Variants in LAMC3 observed in about 807,000 individuals in gnomAD.
LAMC3 encodes laminin subunit gamma 3.
LAMC3 carries 128 observed loss-of-function variants against 173.8 expected under a neutral mutation model. That is an observed-to-expected ratio of 0.74 (90% CI 0.64 to 0.85). LAMC3 has a LOEUF of 0.85. LAMC3 is among the 40% of genes least tolerant of loss of function. The pLI, the probability that LAMC3 is intolerant of heterozygous loss-of-function variation, is 0.00. For synonymous variants in LAMC3, 897 were observed against 909.1 expected (o/e 0.99, Z 0.24); for missense variants, 2,022 against 2,156.0 (o/e 0.94, Z 1.23).
At chr9:131,079,852 C>T (rs577945465) in intron 23 of LAMC3, among the ~76,000 whole-genome samples, 32 of 152,222 alleles carry the variant, frequency 2.1e-4, no homozygotes, top group African/African-American at 6.3e-4. Flanking sequence ...GGGCCACACC[C>T]ACCATCCTGG....
chr9:131,050,348 C>T (rs1222057775), intron 9 of LAMC3, among the ~76,000 whole-genome samples: 4 of 152,194 alleles, frequency 2.6e-5, no homozygotes, highest in South Asian at 2.1e-4. Flanking sequence ...CAGAAACAAA[C>T]GTCTGGGCTG....
intron 6 of LAMC3, among the ~76,000 whole-genome samples, chr9:131,039,620 G>A (rs185133790): frequency 5.3e-5 from 8 of 152,098 alleles, no homozygotes; most frequent in South Asian, 2.1e-4. Flanking sequence ...GGGAGGCTGC[G>A]TGGAGGCTAC....
At chr9:131,055,574 G>A (rs1005414907) in intron 11 of LAMC3, among the ~76,000 whole-genome samples, 90 of 151,446 alleles carry the variant, frequency 5.9e-4, no homozygotes, top group African/African-American at 1.9e-3. Flanking sequence ...ACAGGCGCCC[G>A]CCACCACGCC....
chr9:131,059,520 G>A (rs1471708894), intron 12 of LAMC3, among the ~76,000 whole-genome samples: 81 of 93,748 alleles, frequency 8.6e-4, no homozygotes, highest in Non-Finnish European at 1.3e-3. Context: ...AAAAAAAAAA[G>A]ACGTCAGCTG....
chr9:131,010,543 C>T (rs1833395406), intron 1 of LAMC3, among the ~76,000 whole-genome samples: 1 of 152,182 alleles, frequency 6.6e-6, no homozygotes, highest in African/African-American at 2.4e-5. Context: ...AATTGGTCAC[C>T]CTCTAGGGCA....
Position 131,025,132 on chromosome 9 carries a change from C to T in LAMC3, c.374-1153C>T, listed in dbSNP as rs532968848. Among the ~76,000 whole-genome samples the T allele has an allele frequency of 1.8e-4, 27 of 152,224 alleles. No homozygotes were observed. The East Asian group carries it at 2.5e-3, about 14-fold the overall frequency. ...ACTTCCCAGCTCGAACTGTGGAAGG[C>T]GGCAGTTCTCCCGCGCCCGCACCCC... On this transcript the variant is annotated intron_variant, in intron 1 of 27. Coordinates refer to ENST00000361069, the MANE Select transcript of LAMC3 (RefSeq NM_006059.4).
chr9:131,017,975 G>A (rs1434953210), intron 1 of LAMC3, among the ~76,000 whole-genome samples: 3 of 151,674 alleles, frequency 2.0e-5, no homozygotes, highest in African/African-American at 7.3e-5. Context: ...GCAGTGAACC[G>A]AGATCGCACC....
chr9:131,045,246 C>CAAA lies in LAMC3; in HGVS notation c.1383-273_1383-271dup, dbSNP rs71501241. Among the ~76,000 whole-genome samples, 67,229 of 142,462 alleles carry CAAA rather than the reference C, an allele frequency of 0.47. 16,051 individuals are homozygous for CAAA. The highest frequency in any genetic ancestry group is 0.51 in the Non-Finnish European group (34,020 of 66,742). 93.5% of individuals were successfully genotyped at this position (142,462 alleles called of 152,430 possible). A position where few individuals can be genotyped will look rare whatever the true frequency, so the allele number is the denominator to read the frequency against. On this transcript the variant is annotated intron_variant, in intron 7 of 27. Coordinates refer to ENST00000361069, the MANE Select transcript of LAMC3 (RefSeq NM_006059.4). The stretch of plus-strand genomic sequence containing the variant: ...CAAAAAAAAAAAAAAACAACAACAA[C>CAAA]AAAAAAACAAAACCTAATAAAGTCT...
In LAMC3 at chr9:131,091,436, TC is replaced by T. The variant is rs1175868270; in HGVS notation, c.4478-99del. On this transcript the variant is annotated intron_variant, in intron 27 of 27. Transcript: ENST00000361069. The stretch of plus-strand genomic sequence containing the variant: ...CCTGGTGGATGGTGGGCCATTGGAA[TC>T]CTGGGAGGCCTGAGCTGGGGAGAGG... The T allele has an allele frequency of 2.0e-6, 3 of 1,471,938 alleles. No homozygotes were observed. In the African/African-American group the frequency reaches 4.2e-5, roughly 21 times the overall value. The allele number at this position is 1,471,938 out of a possible 1,614,324, so 91.2% of individuals were successfully genotyped here. A position where few individuals can be genotyped will look rare whatever the true frequency, so the allele number is the denominator to read the frequency against.
At chr9:131,039,362 C>A in intron 6 of LAMC3, 114 bp downstream of exon 6, 1 of 878,772 alleles carries the variant, frequency 1.1e-6, no homozygotes, top group Admixed American at 2.0e-5. Context: ...GCAGCTACCT[C>A]GCCCTAATCC....
Position 131,068,906 on chromosome 9 carries a change from A to G in LAMC3, c.2748-2A>G, listed in dbSNP as rs1468095210. ...CAGACCCAGTTCCTTCCCTGATCACAGCTGCAAGTGTCACCCACTGGGCTC... is the reference window on the plus strand; with the variant it reads ...CAGACCCAGTTCCTTCCCTGATCACGGCTGCAAGTGTCACCCACTGGGCTC... On this transcript the variant is annotated splice_acceptor_variant, in intron 15 of 27. Transcript: ENST00000361069. LOFTEE classifies it high-confidence loss of function. The G allele has an allele frequency of 6.2e-7, 1 of 1,613,926 alleles. No homozygotes were observed. The highest frequency in any genetic ancestry group is 8.5e-7 in the Non-Finnish European group (1 of 1,179,978).
In LAMC3 at chr9:131,069,650, G is replaced by A. The variant is rs568733814; in HGVS notation, c.2891-22G>A. The A allele has an allele frequency of 3.1e-4, 488 of 1,592,538 alleles. 7 individuals carry two copies. In the South Asian group the frequency reaches 4.7e-3, roughly 15 times the overall value. ...CCCCTGGCCCCTCTAAACCCAGCAC[G>A]CACTGCCCCTGGCCCCTCTAGCCTG... On this transcript the variant is annotated intron_variant, in intron 16 of 27. Transcript: ENST00000361069.
Position 131,072,849 on chromosome 9 carries a change from C to T in LAMC3, c.3417+14C>T, listed in dbSNP as rs1830060497. ...CTCGCGTCTCTGGTATCCCAGGGGA[C>T]CCCCCTACCCGAACACACCAAACCT... On this transcript the variant is annotated intron_variant, in intron 19 of 27. Coordinates refer to ENST00000361069, the MANE Select transcript of LAMC3 (RefSeq NM_006059.4). The T allele has an allele frequency of 6.2e-7, 1 of 1,602,058 alleles. No homozygotes were observed. The highest frequency in any genetic ancestry group is 8.5e-7 in the Non-Finnish European group (1 of 1,173,722).
chr9:131,065,855 G>A (rs2133309148), intron 13 of LAMC3, among the ~76,000 whole-genome samples: 1 of 151,438 alleles, frequency 6.6e-6, no homozygotes, highest in Admixed American at 6.6e-5. Context: ...TGATGATGGA[G>A]GAAGGTGATG....
chr9:131,013,957 A>C (rs965341436), intron 1 of LAMC3, among the ~76,000 whole-genome samples: 4 of 152,206 alleles, frequency 2.6e-5, no homozygotes, highest in Non-Finnish European at 4.4e-5. Context: ...CTGGGGGCCA[A>C]GTCCTCCCTC....
intron 17 of LAMC3, 130 bp from the exon 18 acceptor site, chr9:131,071,354 G>A (rs904121458): frequency 2.5e-5 from 26 of 1,040,840 alleles, no homozygotes; most frequent in South Asian, 4.4e-5. Flanking sequence ...TACCCTTAGC[G>A]CTGAGGCCCA....
chr9:131,073,111 C>A, intron 19 of LAMC3, 134 bp from the exon 20 acceptor site: 1 of 766,782 alleles, frequency 1.3e-6, no homozygotes, highest in Non-Finnish European at 2.3e-6. Flanking sequence ...CACTGAATGC[C>A]GATGTTGTGG....
chr9:131,069,301 G>C (rs1829998801), intron 16 of LAMC3, among the ~76,000 whole-genome samples: 3 of 152,164 alleles, frequency 2.0e-5, no homozygotes, highest in Non-Finnish European at 4.4e-5. Flanking sequence ...GCCCTCTGCA[G>C]CCTGCCAGTG....
chr9:131,082,143 C>G lies in LAMC3; in HGVS notation c.4012C>G (p.Leu1338Val). The G allele has an allele frequency of 1.2e-6, 2 of 1,612,958 alleles. No individual in the cohort carries two copies. The highest frequency in any genetic ancestry group is 1.7e-6 in the Non-Finnish European group (2 of 1,179,216). Residue 1338 changes from leucine to valine, a missense_variant, in exon 24 of 28, where the codon CTG becomes GTG. By Grantham distance (32) the Leu-to-Val change is conservative. Transcript: ENST00000361069. The part of the protein sequence containing the change: ...ATVTVMGART[L>V]LADLEGMKLQ... ...AGTGACTGTCATGGGAGCCAGGACTCTGCTGGCTGATCTGGAAGGTACGTG... is the reference window on the plus strand; with the variant it reads ...AGTGACTGTCATGGGAGCCAGGACTGTGCTGGCTGATCTGGAAGGTACGTG...
Sources: allele counts gnomAD v4.1 joint callset (sites outside exome capture counted in the v4.1 genomes callset), GRCh38; gene constraint gnomAD v4.1.1; transcripts MANE v1.5; gene names NCBI Gene and HGNC (gene_info 2026-07-23, HGNC 2026-07-21).